Variants in MALRD1 observed in about 807,000 individuals in gnomAD.
MALRD1 encodes the protein MAM and LDL-receptor class A domain-containing protein 1.
Under a neutral mutation model 242.1 loss-of-function variants are expected in MALRD1, and 247 were observed. The observed-to-expected ratio is 1.02, with a 90% confidence interval of 0.92 to 1.13. The LOEUF (loss-of-function observed/expected upper bound fraction) is 1.13. MALRD1 is among the 50% of genes most tolerant of loss of function. MALRD1 has a pLI of 0.00. For synonymous variants in MALRD1, 995 were observed against 866.6 expected, an observed-to-expected ratio of 1.15 and a Z score of -2.60; for missense variants, 2,989 against 2,533.1, an observed-to-expected ratio of 1.18 and a Z score of -3.86.
chr10:19,234,378 AC>A (rs1276720103), intron 18 of MALRD1, among the ~76,000 whole-genome samples: 1 of 151,156 alleles, frequency 6.6e-6, no homozygotes, highest in Non-Finnish European at 1.5e-5. Flanking sequence ...CCCCTAAAAA[AC>A]ATTTAAGATC....
rs553025898 is a variant in MALRD1 at position 19,671,331 on chromosome 10, A to G, written c.6138-20951A>G. 1.1e-4 allele frequency among the ~76,000 whole-genome samples: 17 copies of G among 152,302 alleles called. No individual in the cohort carries two copies. The East Asian group carries it at 2.9e-3, about 26-fold the overall frequency. ...TATAACATGCTACAAAAATAGCTAA[A>G]TATTGGCCAGGCACGGTGACTCACA... On this transcript the variant is annotated intron_variant, in intron 36 of 39. Transcript: ENST00000454679.
At chr10:19,271,486 C>G (rs1183074446) in intron 19 of MALRD1, among the ~76,000 whole-genome samples, 1 of 152,088 alleles carries the variant, frequency 6.6e-6, no homozygotes, top group Non-Finnish European at 1.5e-5. Context: ...AATGTTAGGC[C>G]GGGTACGGTG....
chr10:19,500,071 AC>A (rs1564393906), intron 31 of MALRD1, among the ~76,000 whole-genome samples: 2 of 152,090 alleles, frequency 1.3e-5, no homozygotes, highest in Admixed American at 6.6e-5. Flanking sequence ...CCTGTAGTTT[AC>A]TTTTTTCACT....
rs1013238739 is a variant in MALRD1, at chr10:19,283,179, A to G, written c.3417A>G (p.Thr1139=). The G allele has an allele frequency of 7.2e-6, 11 of 1,526,216 alleles. No individual in the cohort carries two copies. In the African/African-American group the frequency reaches 1.4e-4, roughly 19 times the overall value. The allele number at this position is 1,526,216 out of a possible 1,614,324, so 94.5% of individuals were successfully genotyped here. A position where few individuals can be genotyped will look rare whatever the true frequency, so the allele number is the denominator to read the frequency against. Residue 1139 remains threonine (T), a splice_region_variant and synonymous_variant, in exon 21 of 40, where the codon ACA becomes ACG. Coordinates refer to ENST00000454679, the MANE Select transcript of MALRD1 (RefSeq NM_001142308.3). ...EENHRPSVDH[T]QNTTDGWYLY... ...ACCACAGGCCATCAGTGGATCATAC[A>G]CAGTAAGTGACCATGTATTTTGAAT...
At chr10:19,464,203 C>G (rs916532077) in intron 29 of MALRD1, among the ~76,000 whole-genome samples, 1 of 152,060 alleles carries the variant, frequency 6.6e-6, no homozygotes, top group African/African-American at 2.4e-5. Context: ...TGCTATGCAG[C>G]AGCTCTTTAA....
chr10:19,206,821 G>A (rs746608467), intron 17 of MALRD1, among the ~76,000 whole-genome samples: 1 of 152,158 alleles, frequency 6.6e-6, no homozygotes, highest in Non-Finnish European at 1.5e-5. Context: ...ATAGAAAAAC[G>A]TGTTTGCTTT....
intron 38 of MALRD1, among the ~76,000 whole-genome samples, chr10:19,712,948 T>A (rs999937977): frequency 3.9e-5 from 6 of 152,222 alleles, no homozygotes; most frequent in African/African-American, 1.4e-4. Flanking sequence ...GGAATATCTC[T>A]GTTTTTGTTT....
intron 28 of MALRD1, among the ~76,000 whole-genome samples, chr10:19,421,047 A>G (rs760745988): frequency 6.6e-6 from 1 of 152,200 alleles, no homozygotes; most frequent in East Asian, 1.9e-4. Context: ...ATAAAGATGA[A>G]TATTCCCAAG....
chr10:19,593,390 G>A (rs1211555379), intron 33 of MALRD1, among the ~76,000 whole-genome samples: 3 of 152,144 alleles, frequency 2.0e-5, no homozygotes, highest in Admixed American at 1.3e-4. Context: ...TTCACTATTG[G>A]TTTAGTGAGG....
At chr10:19,245,693 G>C (rs1158379462) in intron 18 of MALRD1, among the ~76,000 whole-genome samples, 2 of 152,088 alleles carry the variant, frequency 1.3e-5, no homozygotes, top group African/African-American at 4.8e-5. Context: ...AAAACCTAAA[G>C]TCTTCCCTAC....
chr10:19,469,312 C>A (rs1836380925), intron 29 of MALRD1, among the ~76,000 whole-genome samples: 1 of 152,126 alleles, frequency 6.6e-6, no homozygotes, highest in Non-Finnish European at 1.5e-5. Context: ...CTTTTCTCTT[C>A]TGCTAGAGGA....
chr10:19,598,963 G>T (rs1191470180), intron 34 of MALRD1, among the ~76,000 whole-genome samples: 2 of 151,878 alleles, frequency 1.3e-5, no homozygotes, highest in African/African-American at 4.8e-5. Flanking sequence ...AATAAGAGAG[G>T]GCCTAAAAAA....
chr10:19,297,879 G>A (rs1017811687), intron 21 of MALRD1, among the ~76,000 whole-genome samples: 3 of 151,876 alleles, frequency 2.0e-5, no homozygotes, highest in African/African-American at 4.8e-5. Context: ...TGGCTGTAAA[G>A]CATTGCATAG....
intron 20 of MALRD1, among the ~76,000 whole-genome samples, chr10:19,281,770 G>C (rs1840824319): frequency 6.6e-6 from 1 of 152,048 alleles, no homozygotes; most frequent in South Asian, 2.1e-4. Flanking sequence ...CCAGGAGTTT[G>C]AGACCAGCTT....
chr10:19,700,606 C>T (rs1190751635), intron 38 of MALRD1, among the ~76,000 whole-genome samples: 1 of 152,182 alleles, frequency 6.6e-6, no homozygotes, highest in Non-Finnish European at 1.5e-5. Context: ...GTCTCTGCTA[C>T]CTAATAGAAG....
At chr10:19,261,132 T>C (rs917123289) in intron 19 of MALRD1, among the ~76,000 whole-genome samples, 12 of 152,108 alleles carry the variant, frequency 7.9e-5, no homozygotes, top group Admixed American at 6.5e-5. Flanking sequence ...ATTGAAACTA[T>C]TGTTGCCCTA....
chr10:19,381,053 TC>T (rs1224278720), intron 26 of MALRD1, among the ~76,000 whole-genome samples: 5 of 97,494 alleles, frequency 5.1e-5, no homozygotes, highest in African/African-American at 2.0e-4. Flanking sequence ...GTGCTATCCC[TC>T]CCCCCTCCCC....
chr10:19,520,878 T>G (rs1202896295), intron 31 of MALRD1, among the ~76,000 whole-genome samples: 1 of 152,234 alleles, frequency 6.6e-6, no homozygotes, highest in Non-Finnish European at 1.5e-5. Context: ...CCCCTTCTAT[T>G]CATCCACATG....
At chr10:19,479,351 C>T (rs4415632) in intron 29 of MALRD1, among the ~76,000 whole-genome samples, 1 of 152,126 alleles carries the variant, frequency 6.6e-6, no homozygotes, top group Non-Finnish European at 1.5e-5. Flanking sequence ...TCAGATAATT[C>T]TTCGTGGAAG....
Sources: gnomAD v4.1 joint callset for allele counts (sites outside exome capture counted in the v4.1 genomes callset) on GRCh38, gnomAD v4.1.1 for gene constraint, MANE v1.5 for transcripts, NCBI Gene and HGNC (gene_info 2026-07-23, HGNC 2026-07-21) for gene names.